The following SSR1 variants were observed in gnomAD, a reference collection of about 807,000 sequenced individuals.
The protein encoded by SSR1 is translocon-associated protein subunit alpha.
In SSR1, 13 loss-of-function variants were observed where a neutral mutation model predicts 36.1. That is an observed-to-expected ratio of 0.36 (90% CI 0.23 to 0.57). The LOEUF (loss-of-function observed/expected upper bound fraction) is 0.57, where lower values mean the gene tolerates loss of function less well. Ranked by LOEUF, SSR1 falls within the 20% of genes least tolerant of loss-of-function variation. The pLI is 0.81. For missense variants in SSR1, 291 were observed against 338.5 expected (o/e 0.86, Z 1.10); for synonymous variants, 113 against 118.9 (o/e 0.95, Z 0.32).
Position 7,303,599 on chromosome 6 carries a change from A to C in SSR1, c.231T>G (p.Pro77=), listed in dbSNP as rs752402898. The change falls in exon 3 of 8, where the codon CCT becomes CCG. Residue 77 remains proline, a synonymous_variant. Transcript: ENST00000244763. ...TTGTATCTGCACTCGGTGAAGCTTC[A>C]GGTTCACCAGACACATCTTCTTCCT... ...DKEEEDVSGE[P]EASPSADTTI... The C allele has an allele frequency of 5.0e-6, 8 of 1,613,430 alleles. No individual in the cohort carries two copies. Among genetic ancestry groups the C allele is most frequent in the Middle Eastern group, 1.7e-4 (1 of 5,894 alleles).
chr6:7,290,330 T>C (rs904803932), intron 7 of SSR1, among the ~76,000 whole-genome samples: 1 of 152,256 alleles, frequency 6.6e-6, no homozygotes, highest in Non-Finnish European at 1.5e-5. Flanking sequence ...TTCATAAATT[T>C]ACCTGGAATA....
At chr6:7,295,012 G>A in intron 7 of SSR1, 1 of 1,318,792 alleles carries the variant, frequency 7.6e-7, no homozygotes, top group Non-Finnish European at 1.0e-6. Context: ...CATTAAACTT[G>A]ACGTAAAATA....
At chr6:7,293,325 A>T (rs529074847) in intron 7 of SSR1, among the ~76,000 whole-genome samples, 1 of 152,058 alleles carries the variant, frequency 6.6e-6, no homozygotes, top group African/African-American at 2.4e-5. Context: ...ACCCATGTGT[A>T]GTCTTTTATC....
chr6:7,302,864 C>T (rs960695829), intron 3 of SSR1, among the ~76,000 whole-genome samples: 3 of 152,040 alleles, frequency 2.0e-5, no homozygotes, highest in Admixed American at 6.6e-5. Context: ...AAGGGCCAGA[C>T]GCGGTGGCTC....
chr6:7,291,468 CA>C (rs1435362152), intron 7 of SSR1, among the ~76,000 whole-genome samples: 10 of 152,140 alleles, frequency 6.6e-5, no homozygotes, highest in Non-Finnish European at 1.3e-4. Context: ...AAACTGCCCT[CA>C]CTTTTCAAGT....
chr6:7,286,057 T>G lies in SSR1; in HGVS notation c.*3807A>C, dbSNP rs1239299992. On this transcript the variant is annotated 3_prime_UTR_variant, in exon 8 of 8. Transcript: ENST00000244763. ...GCTACTTAAATTCAGGTTTTGTCTA[T>G]TCCATCTACAAAATGGGAACAGTAT... The G allele has an allele frequency of 6.6e-6, 1 of 152,212 alleles. No homozygotes were observed. Among genetic ancestry groups the G allele is most frequent in the Non-Finnish European group, 1.5e-5 (1 of 68,038 alleles). The allele number at this position is 152,212 out of a possible 1,614,324, so 9.4% of individuals were successfully genotyped here.
chr6:7,294,254 T>C (rs1261849322), intron 7 of SSR1, among the ~76,000 whole-genome samples: 1 of 152,148 alleles, frequency 6.6e-6, no homozygotes, highest in Non-Finnish European at 1.5e-5. Context: ...ATGTAGTTAC[T>C]ACAAAGAGAC....
intron 7 of SSR1, 61 bp downstream of exon 7, chr6:7,295,330 CT>C: frequency 7.5e-7 from 1 of 1,330,644 alleles, no homozygotes; most frequent in Non-Finnish European, 1.0e-6. Flanking sequence ...TAAACTAAAT[CT>C]AAGGTATTTA....
At chr6:7,295,521 C>T (rs1432576312) in intron 6 of SSR1, 36 bp from the exon 7 acceptor site, 9 of 1,444,134 alleles carry the variant, frequency 6.2e-6, no homozygotes, top group Admixed American at 2.1e-5. Context: ...AAAGGAGTTC[C>T]GTTACACCAT....
At chr6:7,298,959 T>A in intron 4 of SSR1, 136 bp from the exon 5 acceptor site, 1 of 653,272 alleles carries the variant, frequency 1.5e-6, no homozygotes, top group South Asian at 1.9e-5. Context: ...CAAATTCATA[T>A]GTAACTGCAA....
At chr6:7,305,916 G>GT (rs1204675199) in intron 2 of SSR1, among the ~76,000 whole-genome samples, 1 of 152,212 alleles carries the variant, frequency 6.6e-6, no homozygotes, top group Non-Finnish European at 1.5e-5. Context: ...TATTCAGCAT[G>GT]TAAGATGTAT....
intron 7 of SSR1, chr6:7,295,091 T>C: frequency 6.6e-7 from 1 of 1,521,580 alleles, no homozygotes; most frequent in South Asian, 1.2e-5. Flanking sequence ...GCCTCACCTC[T>C]TCTACTCTGC....
Position 7,295,465 on chromosome 6 carries a change from T to C in SSR1, c.720A>G (p.Lys240=). 1.2e-6 allele frequency: 2 copies of C among 1,609,118 alleles called. No homozygotes were observed. The highest frequency in any genetic ancestry group is 1.7e-6 in the Non-Finnish European group (2 of 1,177,724). The change falls in exon 7 of 8, where the codon AAA becomes AAG. Residue 240 remains lysine (K), a synonymous_variant. Transcript: ENST00000244763. The part of the protein sequence containing the change: ...ESRKRKRPIQ[K]VEMGTSSQND... Reference sequence around the variant, plus strand: ...TCTGACTTGATGTACCCATTTCTACTTTCTGTATGGGTCTCTTACGCTAAA... The same window carrying C: ...TCTGACTTGATGTACCCATTTCTACCTTCTGTATGGGTCTCTTACGCTAAA...
In SSR1 at chr6:7,287,484, G is replaced by A. The variant is rs962745961; in HGVS notation, c.*2380C>T. 1 of 152,082 alleles carries A rather than the reference G, an allele frequency of 6.6e-6. No homozygotes were observed. Among genetic ancestry groups the A allele is most frequent in the African/African-American group, 2.4e-5 (1 of 41,414 alleles). 9.4% of individuals were successfully genotyped at this position (152,082 alleles called of 1,614,324 possible). On this transcript the variant is annotated 3_prime_UTR_variant, in exon 8 of 8. Transcript: ENST00000244763. The stretch of plus-strand genomic sequence containing the variant: ...AGGTCCCATTTCCTTTTCCTCTCCT[G>A]GGACAATGCTTTAGAGGGCAGATTA...
intron 7 of SSR1, 80 bp downstream of exon 7, chr6:7,295,312 T>G (rs1307353091): frequency 7.8e-7 from 1 of 1,280,812 alleles, no homozygotes; most frequent in East Asian, 2.5e-5. Context: ...CTGAAAAAGT[T>G]TTTTTTTTAA....
At chr6:7,294,208 T>C (rs184539684) in intron 7 of SSR1, among the ~76,000 whole-genome samples, 16 of 136,998 alleles carry the variant, frequency 1.2e-4, no homozygotes, top group Admixed American at 8.0e-4. Context: ...TAAAATAATA[T>C]TGTCTAGTTG....
chr6:7,290,848 CA>C (rs1484324784), intron 7 of SSR1, among the ~76,000 whole-genome samples: 1 of 151,994 alleles, frequency 6.6e-6, no homozygotes, highest in African/African-American at 2.4e-5. Context: ...TCTCACCCCC[CA>C]AATTATGAGA....
chr6:7,290,674 ATTGT>A (rs972551876), intron 7 of SSR1, among the ~76,000 whole-genome samples: 1 of 151,776 alleles, frequency 6.6e-6, no homozygotes, highest in African/African-American at 2.4e-5. Context: ...TTGATTTCGT[ATTGT>A]TTTTTTTTGG....
rs1281615499 is a variant in SSR1 at position 7,283,413 on chromosome 6, A to AT, written c.*6450dup. ...AGGCATGCACCACCACACCTGGCTA[A>AT]TTTTTGTATTTTTAGTAGAGGCGAG... On this transcript the variant is annotated 3_prime_UTR_variant, in exon 8 of 8. Transcript: ENST00000244763. The AT allele has an allele frequency of 6.6e-6, 1 of 152,272 alleles. No homozygotes were observed. Among genetic ancestry groups the AT allele is most frequent in the Non-Finnish European group, 1.5e-5 (1 of 68,122 alleles). 9.4% of individuals were successfully genotyped at this position (152,272 alleles called of 1,614,324 possible). A position where few individuals can be genotyped will look rare whatever the true frequency, so the allele number is the denominator to read the frequency against.
Sources: allele counts gnomAD v4.1 joint callset (sites outside exome capture counted in the v4.1 genomes callset), GRCh38; gene constraint gnomAD v4.1.1; transcripts MANE v1.5; gene names NCBI Gene and HGNC (gene_info 2026-07-23, HGNC 2026-07-21).